FCHO1: variants seen among roughly 807,000 people sequenced by gnomAD.
FCHO1 encodes the protein F-BAR domain only protein 1.
A neutral mutation model predicts 114.4 loss-of-function variants in FCHO1; 45 were observed. The ratio of observed to expected loss-of-function variants is 0.39; its 90% CI spans 0.31 to 0.50. FCHO1 has a LOEUF of 0.50. FCHO1 is among the 20% of genes least tolerant of loss of function. The pLI, the probability that FCHO1 is intolerant of heterozygous loss-of-function variation, is 0.77. For synonymous variants in FCHO1, 480 were observed against 488.9 expected, an observed-to-expected ratio of 0.98 and a Z score of 0.24; for missense variants, 1,042 against 1,209.6, an observed-to-expected ratio of 0.86 and a Z score of 2.06.
intron 4 of FCHO1, among the ~76,000 whole-genome samples, chr19:17,756,508 A>C (rs555736548): frequency 6.6e-6 from 1 of 152,184 alleles, no homozygotes; most frequent in Admixed American, 6.5e-5. Context: ...ACCTCACCCA[A>C]AGATATCCTG....
chr19:17,751,982 G>A lies in FCHO1; in HGVS notation c.-183+405G>A, dbSNP rs552577589. On this transcript the variant is annotated intron_variant, in intron 1 of 28. Transcript: ENST00000596536. This position sits in a 1 kb window ranked among gnomAD's most constrained non-coding sequence, Gnocchi z 4.4. The stretch of plus-strand genomic sequence containing the variant: ...TTGGATGAGCAGATGCGTGTGAATA[G>A]TTGGGTACAGGGTCGCACACATACT... Among the ~76,000 whole-genome samples, 6 of 152,364 alleles carry A rather than the reference G, an allele frequency of 3.9e-5. No homozygotes were observed. The South Asian group carries it at 1.2e-3, about 32-fold the overall frequency.
intron 20 of FCHO1, 113 bp from the exon 21 acceptor site, chr19:17,781,118 G>C (rs1455042085): frequency 1.4e-6 from 1 of 713,470 alleles, no homozygotes; most frequent in Non-Finnish European, 2.4e-6. Context: ...GACCCATTGG[G>C]GGTCTCTGCA....
At chr19:17,754,921 G>C (rs889522832) in intron 3 of FCHO1, 197 bp from the exon 4 acceptor site, 2 of 539,414 alleles carry the variant, frequency 3.7e-6, no homozygotes, top group East Asian at 6.7e-5. Context: ...TCTGTGTCTT[G>C]TTCTGTCCCC....
intron 4 of FCHO1, chr19:17,755,675 T>TA (rs36118136): frequency 0.22 from 33,195 of 153,248 alleles, 4,363 homozygotes; most frequent in Non-Finnish European, 0.29. Context: ...GAGTTGTTTT[T>TA]ATTCATTCAT....
At chr19:17,788,040 G>A (rs1468618989) in intron 28 of FCHO1, among the ~76,000 whole-genome samples, 194 bp downstream of exon 28, 1 of 152,052 alleles carries the variant, frequency 6.6e-6, no homozygotes, top group Non-Finnish European at 1.5e-5. Context: ...GGCCCTTGGA[G>A]GACGTCCTTG....
chr19:17,749,570 G>A (rs1483516800), upstream of FCHO1, among the ~76,000 whole-genome samples: 2 of 152,106 alleles, frequency 1.3e-5, no homozygotes, highest in African/African-American at 2.4e-5. Context: ...ATGAAGTGAG[G>A]AAGAGGGAGG....
At position 17,774,335 on chromosome 19, in the gene FCHO1, G is replaced by A. The variant is rs765702630; in HGVS notation, c.835+52G>A. 6.2e-6 allele frequency: 10 copies of A among 1,612,696 alleles called. No homozygotes were observed. In the East Asian group the frequency reaches 6.7e-5, roughly 11 times the overall value. On this transcript the variant is annotated intron_variant, in intron 12 of 28. Transcript: ENST00000596536. ...AGGCTGGACCATGGGGGTGAGGGAG[G>A]CTGATCTGAATGTGAAAGGAGGCTC...
chr19:17,781,718 C>T lies in FCHO1; in HGVS notation c.1835C>T (p.Ser612Phe). 6.2e-7 allele frequency: 1 copy of T among 1,603,182 alleles called. No individual in the cohort carries two copies. The highest frequency in any genetic ancestry group is 8.5e-7 in the Non-Finnish European group (1 of 1,174,804). Reference protein sequence around the residue: ...SFLSQTGHGVSRGPSPVVLGS... With the variant: ...SFLSQTGHGVFRGPSPVVLGS... Reference sequence around the variant, plus strand: ...CCCTCTCCACCACCCCCAGGAGTCTCCCGGGGTCCGAGCCCTGTGGTCCTG... The same window carrying T: ...CCCTCTCCACCACCCCCAGGAGTCTTCCGGGGTCCGAGCCCTGTGGTCCTG... The change falls in exon 23 of 29, where the codon TCC (serine) becomes TTC (phenylalanine). Residue 612 changes from serine (S) to phenylalanine (F), a missense_variant. Physicochemically the swap from Ser to Phe is radical, Grantham distance 155. This residue lies in a region of FCHO1 where 455 missense variants were observed against 455.4 expected (regional missense o/e 1.00). Transcript: ENST00000596536.
Position 17,776,390 on chromosome 19 carries a change from T to A in FCHO1, c.1207+119T>A. 7.7e-7 allele frequency: 1 copy of A among 1,293,610 alleles called. No homozygotes were observed. The highest frequency in any genetic ancestry group is 1.1e-6 in the Non-Finnish European group (1 of 889,222). 80.1% of individuals were successfully genotyped at this position (1,293,610 alleles called of 1,614,324 possible). ...GCAGGCTGCTTAACCACACTGACCT[T>A]CAGTCTCCTTTTCTGTAAAATGAGG... On this transcript the variant is annotated intron_variant, in intron 17 of 28. Transcript: ENST00000596536. This position sits in a 1 kb window ranked among gnomAD's most constrained non-coding sequence, Gnocchi z 4.4.
Position 17,778,743 on chromosome 19 carries a change from C to T in FCHO1, c.1486C>T (p.Pro496Ser), listed in dbSNP as rs944828247. The T allele has an allele frequency of 3.1e-5, 47 of 1,539,886 alleles. No individual in the cohort carries two copies. The highest frequency in any genetic ancestry group is 3.9e-5 in the Non-Finnish European group (45 of 1,147,784). Residue 496 changes from proline (P) to serine (S), a missense_variant, in exon 20 of 29, where the codon CCA becomes TCA. Coordinates refer to ENST00000596536, the MANE Select transcript of FCHO1 (RefSeq NM_015122.3). Reference protein sequence around the residue: ...GPSPDSWVPRPGTPQSPPSCR... With the variant: ...GPSPDSWVPRSGTPQSPPSCR... ...CTCCCCAGATTCCTGGGTCCCCCGC[C>T]CAGGCACCCCGCAGAGCCCGCCCAG...
chr19:17,761,400 A>G lies in FCHO1; in HGVS notation c.28-1362A>G, dbSNP rs1383425180. On this transcript the variant is annotated intron_variant, in intron 4 of 28. Coordinates refer to ENST00000596536, the MANE Select transcript of FCHO1 (RefSeq NM_015122.3). Reference sequence around the variant, plus strand: ...TTGATCCAGCAACTCAATTTAACACACTTTTTTTTTTTTGTAGCTAGTATA... The same window carrying G: ...TTGATCCAGCAACTCAATTTAACACGCTTTTTTTTTTTTGTAGCTAGTATA... 7.5e-3 allele frequency among the ~76,000 whole-genome samples: 272 copies of G among 36,448 alleles called. 1 individual carries two copies. The highest frequency in any genetic ancestry group is 0.045 in the Middle Eastern group (2 of 44). 23.9% of individuals were successfully genotyped at this position (36,448 alleles called of 152,430 possible). A position where few individuals can be genotyped will look rare whatever the true frequency, so the allele number is the denominator to read the frequency against.
intron 4 of FCHO1, among the ~76,000 whole-genome samples, chr19:17,759,960 A>G (rs1599574935): frequency 6.6e-6 from 1 of 152,206 alleles, no homozygotes; most frequent in East Asian, 1.9e-4. Flanking sequence ...GCATTTGCCA[A>G]CACCTCTACA....
upstream of FCHO1, among the ~76,000 whole-genome samples, chr19:17,749,684 A>G (rs1411292418): frequency 6.6e-6 from 1 of 152,078 alleles, no homozygotes; most frequent in East Asian, 1.9e-4. Context: ...CAGTTTCCCC[A>G]TCGTGGTGCT....
chr19:17,775,558 G>A lies in FCHO1; in HGVS notation c.1003+45G>A. The A allele has an allele frequency of 6.4e-7, 1 of 1,552,342 alleles. No homozygotes were observed. Among genetic ancestry groups the A allele is most frequent in the South Asian group, 1.1e-5 (1 of 89,796 alleles). On this transcript the variant is annotated intron_variant, in intron 15 of 28. Coordinates refer to ENST00000596536, the MANE Select transcript of FCHO1 (RefSeq NM_015122.3). This position sits in a 1 kb window ranked among gnomAD's most constrained non-coding sequence, Gnocchi z 5.1. The stretch of plus-strand genomic sequence containing the variant: ...TGGGGGCAGTTGTTGGCACAGCAAG[G>A]ACAAAATTCTCCGTAATAACCAGTC...
At position 17,775,809 on chromosome 19, in the gene FCHO1, G is replaced by C. The variant is rs975585289; in HGVS notation, c.1004-174G>C. ...GGCATGCTTGTGCAAAGGCTTCTCGGGGGGGGTGGGAGTGCTGGTGGGACA... is the reference window on the plus strand; with the variant it reads ...GGCATGCTTGTGCAAAGGCTTCTCGCGGGGGGTGGGAGTGCTGGTGGGACA... On this transcript the variant is annotated intron_variant, in intron 15 of 28. Transcript: ENST00000596536. The surrounding 1 kb of genome is among the most constrained non-coding windows in gnomAD (Gnocchi z 5.1). Among the ~76,000 whole-genome samples the C allele has an allele frequency of 1.4e-5, 2 of 148,082 alleles. No individual in the cohort carries two copies. Among genetic ancestry groups the C allele is most frequent in the African/African-American group, 5.3e-5 (2 of 37,738 alleles).
At chr19:17,782,109 A>G (rs1004828848) in intron 23 of FCHO1, among the ~76,000 whole-genome samples, 2 of 151,126 alleles carry the variant, frequency 1.3e-5, no homozygotes, top group Non-Finnish European at 2.9e-5. Context: ...TCCCGGGTTC[A>G]AGCAATTCTC....
chr19:17,751,030 C>T (rs1394447527), upstream of FCHO1, among the ~76,000 whole-genome samples: 2 of 152,006 alleles, frequency 1.3e-5, no homozygotes, highest in Non-Finnish European at 2.9e-5. This position sits in a 1 kb window ranked among gnomAD's most constrained non-coding sequence, Gnocchi z 4.4. Context: ...TTAGTAGAGA[C>T]GGGGTTTCAC....
At chr19:17,785,323 G>A (rs1166148032) in intron 26 of FCHO1, among the ~76,000 whole-genome samples, 1 of 152,142 alleles carries the variant, frequency 6.6e-6, no homozygotes, top group Admixed American at 6.6e-5. Flanking sequence ...GGGTTCAAGC[G>A]ATTTTCTCTG....
intron 23 of FCHO1, among the ~76,000 whole-genome samples, chr19:17,782,745 T>G (rs2093540252): frequency 6.6e-6 from 1 of 152,108 alleles, no homozygotes; most frequent in South Asian, 2.1e-4. Flanking sequence ...GCTAAAAAAC[T>G]GAACATTTTA....
Sources: allele counts gnomAD v4.1 joint callset (sites outside exome capture counted in the v4.1 genomes callset), GRCh38; gene constraint gnomAD v4.1.1; regional missense constraint gnomAD v4.1.1; non-coding constraint Gnocchi (gnomAD v3.1); transcripts MANE v1.5; gene names NCBI Gene and HGNC (gene_info 2026-07-23, HGNC 2026-07-21).